The following RAPGEF5 variants were observed in gnomAD, a reference collection of about 807,000 sequenced individuals.
The protein encoded by RAPGEF5 is Rap guanine nucleotide exchange factor 5, also known as M-Ras-regulated GEF.
RAPGEF5 carries 65 observed loss-of-function variants against 125.2 expected under a neutral mutation model. That is an observed-to-expected ratio of 0.52 (90% CI 0.43 to 0.64). RAPGEF5 has a LOEUF of 0.64. RAPGEF5 is among the 30% of genes least tolerant of loss of function. The pLI, the probability that RAPGEF5 is intolerant of heterozygous loss-of-function variation, is 0.00. For missense variants in RAPGEF5, 958 were observed against 1,048.1 expected (o/e 0.91, Z 1.19); for synonymous variants, 391 against 385.9 (o/e 1.01, Z -0.16).
chr7:22,319,239 T>C (rs1284970729), intron 1 of RAPGEF5, among the ~76,000 whole-genome samples: 3 of 152,228 alleles, frequency 2.0e-5, no homozygotes, highest in Non-Finnish European at 2.9e-5. Flanking sequence ...AGTCTTGCTA[T>C]CTTTTGAGAT....
chr7:22,264,955 G>A (rs193051450), intron 7 of RAPGEF5, among the ~76,000 whole-genome samples: 168 of 151,914 alleles, frequency 1.1e-3, no homozygotes, highest in African/African-American at 3.8e-3. Context: ...TTATTTCCAG[G>A]CCCTCCCTCC....
chr7:22,319,154 T>G (rs1224011289), intron 1 of RAPGEF5, among the ~76,000 whole-genome samples: 1 of 152,122 alleles, frequency 6.6e-6, no homozygotes, highest in Non-Finnish European at 1.5e-5. Flanking sequence ...ATTGCAGTAT[T>G]AAAAAAAGAA....
intron 8 of RAPGEF5, among the ~76,000 whole-genome samples, chr7:22,228,339 G>A (rs1583498402): frequency 6.6e-6 from 1 of 152,128 alleles, no homozygotes; most frequent in Admixed American, 6.5e-5. Flanking sequence ...CTATCCTGGA[G>A]GGTTTGCTGT....
At chr7:22,152,988 T>C (rs778810961) in intron 17 of RAPGEF5, among the ~76,000 whole-genome samples, 5 of 152,206 alleles carry the variant, frequency 3.3e-5, no homozygotes, top group Non-Finnish European at 7.3e-5. Flanking sequence ...ATGAATCTAA[T>C]TTAATAGAGT....
At chr7:22,169,618 G>T (rs369077937) in intron 11 of RAPGEF5, among the ~76,000 whole-genome samples, 2 of 151,238 alleles carry the variant, frequency 1.3e-5, no homozygotes, top group African/African-American at 4.9e-5. Context: ...ACTTTGAGAG[G>T]CCAAGGTGAG....
chr7:22,123,771 C>T lies in RAPGEF5; in HGVS notation c.2537-1250G>A, dbSNP rs559279216. On this transcript the variant is annotated intron_variant, in intron 25 of 25. Coordinates refer to ENST00000665637, the MANE Select transcript of RAPGEF5 (RefSeq NM_012294.5). Reference sequence around the variant, plus strand: ...CCAGAATGCCTTCTCTGGAAGACGTCGAGAAAGTTAAACATTGGTTTGGAT... The same window carrying T: ...CCAGAATGCCTTCTCTGGAAGACGTTGAGAAAGTTAAACATTGGTTTGGAT... Among the ~76,000 whole-genome samples the T allele has an allele frequency of 3.7e-3, 560 of 152,230 alleles. 1 individual carries two copies. Among genetic ancestry groups the T allele is most frequent in the African/African-American group, 9.6e-3 (399 of 41,532 alleles).
At chr7:22,252,783 G>C (rs999988689) in intron 7 of RAPGEF5, among the ~76,000 whole-genome samples, 4 of 152,124 alleles carry the variant, frequency 2.6e-5, no homozygotes, top group Non-Finnish European at 1.5e-5. Context: ...CAGTGGGAGA[G>C]TTAGAAAAAA....
intron 9 of RAPGEF5, among the ~76,000 whole-genome samples, chr7:22,201,443 T>C (rs1375120717): frequency 6.6e-6 from 1 of 152,236 alleles, no homozygotes; most frequent in South Asian, 2.1e-4. Context: ...TGCTTCACAT[T>C]TCACAGTTTC....
chr7:22,209,525 C>G (rs905728691), intron 9 of RAPGEF5, among the ~76,000 whole-genome samples: 4 of 152,200 alleles, frequency 2.6e-5, no homozygotes, highest in Non-Finnish European at 5.9e-5. Flanking sequence ...TCCCCCCCAC[C>G]ATTTTTAGAG....
chr7:22,250,033 A>G (rs1038773498), intron 7 of RAPGEF5, among the ~76,000 whole-genome samples: 1 of 152,220 alleles, frequency 6.6e-6, no homozygotes, highest in African/African-American at 2.4e-5. Context: ...GCTATCAGAA[A>G]GGGACCTAGG....
chr7:22,319,725 T>C (rs1783675518), intron 1 of RAPGEF5, among the ~76,000 whole-genome samples: 1 of 152,200 alleles, frequency 6.6e-6, no homozygotes, highest in Non-Finnish European at 1.5e-5. Flanking sequence ...GGTAGACTTT[T>C]AAAATCACTA....
chr7:22,340,118 C>T (rs757790630), intron 1 of RAPGEF5, among the ~76,000 whole-genome samples: 5 of 152,150 alleles, frequency 3.3e-5, no homozygotes, highest in Admixed American at 2.0e-4. Flanking sequence ...AGCACCCTCT[C>T]CCATTCCAAA....
intron 20 of RAPGEF5, among the ~76,000 whole-genome samples, chr7:22,143,947 T>C (rs1206751149): frequency 6.6e-6 from 1 of 152,216 alleles, no homozygotes; most frequent in Non-Finnish European, 1.5e-5. Flanking sequence ...GATCAATATA[T>C]AGTTTCTGAA....
intron 6 of RAPGEF5, among the ~76,000 whole-genome samples, chr7:22,272,237 G>A (rs1477644325): frequency 6.6e-6 from 1 of 151,290 alleles, no homozygotes; most frequent in African/African-American, 2.4e-5. Context: ...CAGCTACTCG[G>A]GAGGCCTAGG....
At position 22,120,000 on chromosome 7, in the gene RAPGEF5, A is replaced by C. The variant is rs998815867; in HGVS notation, c.*2406T>G. On this transcript the variant is annotated 3_prime_UTR_variant, in exon 26 of 26. Transcript: ENST00000665637. This position sits in a 1 kb window ranked among gnomAD's most constrained non-coding sequence, Gnocchi z 4.1. Reference sequence around the variant, plus strand: ...CTTGAATTCTTTAATTCCAGATCTAAGATTCTGCAAAGCTTTGGAAACTTC... The same window carrying C: ...CTTGAATTCTTTAATTCCAGATCTACGATTCTGCAAAGCTTTGGAAACTTC... 2.0e-5 allele frequency: 3 copies of C among 152,244 alleles called. No individual in the cohort carries two copies. Among genetic ancestry groups the C allele is most frequent in the African/African-American group, 7.2e-5 (3 of 41,460 alleles). The allele number at this position is 152,244 out of a possible 1,614,324, so 9.4% of individuals were successfully genotyped here. A position where few individuals can be genotyped will look rare whatever the true frequency, so the allele number is the denominator to read the frequency against.
chr7:22,243,855 T>C (rs1393581513), intron 7 of RAPGEF5, among the ~76,000 whole-genome samples: 1 of 152,200 alleles, frequency 6.6e-6, no homozygotes, highest in Non-Finnish European at 1.5e-5. Flanking sequence ...CACCGTGCTG[T>C]GCAATCGATA....
chr7:22,271,838 G>A (rs1782434667), intron 6 of RAPGEF5, among the ~76,000 whole-genome samples: 1 of 152,170 alleles, frequency 6.6e-6, no homozygotes, highest in African/African-American at 2.4e-5. Context: ...CTTATGTCCA[G>A]CATTCTGTCT....
chr7:22,315,293 A>G (rs1783564356), intron 3 of RAPGEF5, 77 bp downstream of exon 3: 2 of 1,481,324 alleles, frequency 1.4e-6, no homozygotes, highest in African/African-American at 2.9e-5. Context: ...CTCTTTGATC[A>G]AGGTTACAAT....
At chr7:22,346,330 C>T (rs915257797) in intron 1 of RAPGEF5, among the ~76,000 whole-genome samples, 5 of 152,146 alleles carry the variant, frequency 3.3e-5, no homozygotes, top group Non-Finnish European at 7.4e-5. Context: ...TAGATTGAAA[C>T]AGGCATCATA....
Sources: allele counts gnomAD v4.1 joint callset (sites outside exome capture counted in the v4.1 genomes callset), GRCh38; gene constraint gnomAD v4.1.1; non-coding constraint Gnocchi (gnomAD v3.1); transcripts MANE v1.5; gene names NCBI Gene and HGNC (gene_info 2026-07-23, HGNC 2026-07-21).